The following ATP10B variants were observed in gnomAD, a reference collection of about 807,000 sequenced individuals.
The protein encoded by ATP10B is ATPase phospholipid transporting 10B (putative), also known as phospholipid-transporting ATPase VB.
A neutral mutation model predicts 141.2 loss-of-function variants in ATP10B; 122 were observed. The ratio of observed to expected loss-of-function variants is 0.86; its 90% CI spans 0.75 to 1.00. The LOEUF is 1.00. Ranked by LOEUF, ATP10B falls within the 50% of genes least tolerant of loss-of-function variation. The pLI is 0.00. For missense variants in ATP10B, 1,876 were observed against 1,825.3 expected (o/e 1.03, Z -0.51); for synonymous variants, 685 against 692.0 (o/e 0.99, Z 0.16).
chr5:160,729,626 G>A (rs999241014), intron 2 of ATP10B, among the ~76,000 whole-genome samples: 5 of 152,180 alleles, frequency 3.3e-5, no homozygotes, highest in African/African-American at 1.2e-4. Context: ...CAGTAGCAAC[G>A]GCCTACAAGG....
chr5:160,671,918 A>G (rs957618003), intron 6 of ATP10B, among the ~76,000 whole-genome samples: 2 of 147,028 alleles, frequency 1.4e-5, no homozygotes, highest in African/African-American at 5.0e-5. Context: ...CTGCAGCCTC[A>G]GCCTTCCCAC....
intron 1 of ATP10B, among the ~76,000 whole-genome samples, chr5:160,818,445 A>G (rs1157067683): frequency 6.6e-6 from 1 of 152,240 alleles, no homozygotes; most frequent in African/African-American, 2.4e-5. Context: ...CAGAACCACA[A>G]TGAGATACCA....
At chr5:160,763,195 T>C (rs2127843008) in intron 2 of ATP10B, among the ~76,000 whole-genome samples, 1 of 152,212 alleles carries the variant, frequency 6.6e-6, no homozygotes, top group South Asian at 2.1e-4. Flanking sequence ...ATTTAAACTA[T>C]ACCCTAGAAC....
intron 2 of ATP10B, among the ~76,000 whole-genome samples, chr5:160,783,463 C>CCATGGAT (rs1770892448): frequency 8.5e-6 from 1 of 118,154 alleles, no homozygotes; most frequent in Admixed American, 9.3e-5. Flanking sequence ...ATATATATAT[C>CCATGGAT]ATATATATAT....
intron 2 of ATP10B, among the ~76,000 whole-genome samples, chr5:160,751,935 G>A (rs1439652229): frequency 6.6e-6 from 1 of 152,198 alleles, no homozygotes; most frequent in Non-Finnish European, 1.5e-5. Flanking sequence ...AGTTCTAACT[G>A]TAAGGATCAG....
Position 160,785,748 on chromosome 5 carries a change from T to G in ATP10B, c.-520A>C. 2 of 1,184,274 alleles carry G rather than the reference T, an allele frequency of 1.7e-6. No homozygotes were observed. The highest frequency in any genetic ancestry group is 2.2e-6 in the Non-Finnish European group (2 of 914,900). 73.4% of individuals were successfully genotyped at this position (1,184,274 alleles called of 1,614,324 possible). A position where few individuals can be genotyped will look rare whatever the true frequency, so the allele number is the denominator to read the frequency against. Reference sequence around the variant, plus strand: ...AAAAACTACTTACTCTTCACACTGTTGCTTTCATTGAAACAAATGTCACCA... The same window carrying G: ...AAAAACTACTTACTCTTCACACTGTGGCTTTCATTGAAACAAATGTCACCA... On this transcript the variant is annotated 5_prime_UTR_variant, in exon 2 of 26. Transcript: ENST00000327245.
intron 15 of ATP10B, among the ~76,000 whole-genome samples, chr5:160,620,100 T>C (rs992043697): frequency 6.6e-6 from 1 of 152,226 alleles, no homozygotes; most frequent in Non-Finnish European, 1.5e-5. Flanking sequence ...AAGTTAAAGA[T>C]GTTTATCTGC....
At chr5:160,814,389 T>G (rs1449741013) in intron 1 of ATP10B, among the ~76,000 whole-genome samples, 1 of 152,058 alleles carries the variant, frequency 6.6e-6, no homozygotes, top group Non-Finnish European at 1.5e-5. Flanking sequence ...GTATCAGTGA[T>G]GGAAGATCAA....
At chr5:160,900,973 C>T in the ATP10B span, among the ~76,000 whole-genome samples, 1 of 135,458 alleles carries the variant, frequency 7.4e-6, no homozygotes, top group Non-Finnish European at 1.5e-5. Flanking sequence ...TAGCAGGTGG[C>T]GCCTCATCTC....
At chr5:160,829,026 G>T (rs1581615103) in intron 1 of ATP10B, among the ~76,000 whole-genome samples, 1 of 126,260 alleles carries the variant, frequency 7.9e-6, no homozygotes, top group African/African-American at 2.9e-5. Context: ...ATGGACACAG[G>T]AAGGGGAACA....
At chr5:160,906,281 G>A in the ATP10B span, among the ~76,000 whole-genome samples, 4 of 152,110 alleles carry the variant, frequency 2.6e-5, no homozygotes, top group African/African-American at 7.2e-5. Context: ...TCACTATAGC[G>A]GGAGCTTCAA....
At chr5:160,725,266 A>C (rs1415792392) in intron 2 of ATP10B, among the ~76,000 whole-genome samples, 1 of 152,204 alleles carries the variant, frequency 6.6e-6, no homozygotes, top group East Asian at 1.9e-4. Flanking sequence ...TACGGAAAGC[A>C]AAATCTTTGG....
In ATP10B at chr5:160,620,957, G is replaced by A. The variant is rs772224251; in HGVS notation, c.1813-7C>T. 1.9e-6 allele frequency: 3 copies of A among 1,602,118 alleles called. No homozygotes were observed. The African/African-American group carries it at 4.0e-5, about 22-fold the overall frequency. On this transcript the variant is annotated splice_region_variant and splice_polypyrimidine_tract_variant and intron_variant, in intron 14 of 25. Transcript: ENST00000327245. ...TTGAGGGTTTGATGGTGACCTTGTG[G>A]CCAAAGAAGGAAAGTGGAATATTAC...
chr5:160,914,009 T>A, the ATP10B span, among the ~76,000 whole-genome samples: 2 of 152,254 alleles, frequency 1.3e-5, no homozygotes, highest in Non-Finnish European at 1.5e-5. Flanking sequence ...CAATCATTTA[T>A]CATAATTTGT....
chr5:160,742,971 G>A (rs1249036504), intron 2 of ATP10B, among the ~76,000 whole-genome samples: 2 of 152,156 alleles, frequency 1.3e-5, no homozygotes, highest in African/African-American at 4.8e-5. Flanking sequence ...AGGAGGAAAG[G>A]GAATGAAGTG....
chr5:160,605,411 C>T, intron 19 of ATP10B, among the ~76,000 whole-genome samples: 1 of 152,150 alleles, frequency 6.6e-6, no homozygotes. Context: ...GTTAGTGAGC[C>T]AGGAGAAGTA....
At chr5:160,842,602 A>T (rs567909129) in intron 1 of ATP10B, among the ~76,000 whole-genome samples, 1 of 152,188 alleles carries the variant, frequency 6.6e-6, no homozygotes, top group South Asian at 2.1e-4. Context: ...AACTTAAGGA[A>T]TATTAAAAAT....
At chr5:160,778,060 T>C (rs1018210069) in intron 2 of ATP10B, among the ~76,000 whole-genome samples, 1 of 152,204 alleles carries the variant, frequency 6.6e-6, no homozygotes, top group East Asian at 1.9e-4. Context: ...GTGGTTGCTT[T>C]AGGGGAGAAA....
the ATP10B span, among the ~76,000 whole-genome samples, chr5:160,892,000 A>G: frequency 6.6e-6 from 1 of 152,162 alleles, no homozygotes; most frequent in African/African-American, 2.4e-5. Context: ...TAAAACAGTC[A>G]TTTGTTATTT....
Sources: gnomAD v4.1 joint callset for allele counts (sites outside exome capture counted in the v4.1 genomes callset) on GRCh38, gnomAD v4.1.1 for gene constraint, MANE v1.5 for transcripts, NCBI Gene and HGNC (gene_info 2026-07-23, HGNC 2026-07-21) for gene names.